Variants in TINAG observed in about 807,000 individuals in gnomAD.
TINAG encodes the protein tubulointerstitial nephritis antigen.
Under a neutral mutation model 72.7 loss-of-function variants are expected in TINAG, and 83 were observed. The ratio of observed to expected loss-of-function variants is 1.14; its 90% CI spans 0.96 to 1.37. The LOEUF is 1.37. Ranked by LOEUF, TINAG falls within the 40% of genes most tolerant of loss-of-function variation. The pLI, the probability that TINAG is intolerant of heterozygous loss-of-function variation, is 0.00. For missense variants in TINAG, 685 were observed against 576.6 expected (o/e 1.19, Z -1.93); for synonymous variants, 234 against 189.9 (o/e 1.23, Z -1.91).
chr6:54,356,939 T>G (rs1763061846), intron 9 of TINAG, among the ~76,000 whole-genome samples: 1 of 151,288 alleles, frequency 6.6e-6, no homozygotes, highest in Non-Finnish European at 1.5e-5. Flanking sequence ...ACCTCAGCAC[T>G]TTTTTGGACT....
At chr6:54,336,494 TTG>T (rs1346046064) in intron 4 of TINAG, among the ~76,000 whole-genome samples, 1 of 152,166 alleles carries the variant, frequency 6.6e-6, no homozygotes, top group Non-Finnish European at 1.5e-5. Context: ...TTGTACCTGA[TTG>T]TTCTTCCAGA....
intron 9 of TINAG, among the ~76,000 whole-genome samples, chr6:54,360,212 T>C (rs983402975): frequency 6.7e-6 from 1 of 150,150 alleles, no homozygotes; most frequent in Non-Finnish European, 1.5e-5. Flanking sequence ...AACACATATA[T>C]TTGCTCCTAG....
intron 9 of TINAG, among the ~76,000 whole-genome samples, chr6:54,371,986 T>TTTTTTTTTG (rs1763627888): frequency 2.7e-5 from 3 of 111,268 alleles, no homozygotes; most frequent in African/African-American, 1.4e-4. Context: ...GTCATGTTTT[T>TTTTTTTTTG]TTTTTTTTTT....
At chr6:54,381,548 G>A (rs1022243668) in intron 10 of TINAG, among the ~76,000 whole-genome samples, 2 of 151,880 alleles carry the variant, frequency 1.3e-5, no homozygotes, top group African/African-American at 2.4e-5. Context: ...TTATGTGTTC[G>A]TACCTTATAT....
intron 9 of TINAG, among the ~76,000 whole-genome samples, chr6:54,358,614 TG>T (rs1013834226): frequency 6.6e-6 from 1 of 151,636 alleles, no homozygotes; most frequent in Non-Finnish European, 1.5e-5. Context: ...AGTTTGTAAA[TG>T]TTGAACCTGT....
chr6:54,333,580 A>G (rs1334099738), intron 4 of TINAG, among the ~76,000 whole-genome samples: 37 of 151,890 alleles, frequency 2.4e-4, no homozygotes, highest in Admixed American at 2.4e-3. Flanking sequence ...ACAAACCTGC[A>G]CGTTCTACAC....
At chr6:54,321,531 C>A in intron 3 of TINAG, 145 bp downstream of exon 3, 1 of 621,330 alleles carries the variant, frequency 1.6e-6, no homozygotes, top group South Asian at 2.0e-5. Context: ...GCATGTAAAC[C>A]TGGAATGCAA....
At position 54,348,398 on chromosome 6, in the gene TINAG, A is replaced by C. The variant is rs9474816; in HGVS notation, c.899+881A>C. Among the ~76,000 whole-genome samples, 1,417 of 152,216 alleles carry C rather than the reference A, an allele frequency of 9.3e-3. 20 individuals carry two copies. The highest frequency in any genetic ancestry group is 0.032 in the African/African-American group (1,349 of 41,544). On this transcript the variant is annotated intron_variant, in intron 6 of 10. Coordinates refer to ENST00000259782, the MANE Select transcript of TINAG (RefSeq NM_014464.4). Reference sequence around the variant, plus strand: ...CAGCCCTTTAAGAACTTAAAAATGTAAATTATTATTGAGACCTGACTAAAT... The same window carrying C: ...CAGCCCTTTAAGAACTTAAAAATGTCAATTATTATTGAGACCTGACTAAAT...
intron 10 of TINAG, among the ~76,000 whole-genome samples, chr6:54,386,238 T>TA (rs1764097294): frequency 1.3e-5 from 2 of 152,146 alleles, no homozygotes; most frequent in African/African-American, 4.8e-5. Context: ...ATTCAGCACT[T>TA]ACTGTTCTAC....
chr6:54,310,976 T>A (rs937024037), intron 1 of TINAG, among the ~76,000 whole-genome samples: 4 of 151,414 alleles, frequency 2.6e-5, no homozygotes, highest in Non-Finnish European at 5.9e-5. Flanking sequence ...TTTCTCTCCC[T>A]CTCCTTCTCC....
intron 9 of TINAG, among the ~76,000 whole-genome samples, 177 bp from the exon 10 acceptor site, chr6:54,380,349 A>G (rs1306617018): frequency 6.6e-6 from 1 of 152,146 alleles, no homozygotes; most frequent in Non-Finnish European, 1.5e-5. Context: ...ATGTTATGGT[A>G]AAGAAGAAAA....
Position 54,308,787 on chromosome 6 carries a change from G to T in TINAG, c.237G>T (p.Ala79=). 6.2e-7 allele frequency: 1 copy of T among 1,613,836 alleles called. No homozygotes were observed. Among genetic ancestry groups the T allele is most frequent in the Non-Finnish European group, 8.5e-7 (1 of 1,179,874 alleles). Residue 79 remains alanine, a synonymous_variant, in exon 1 of 11, where the codon GCG becomes GCT. Transcript: ENST00000259782. The stretch of plus-strand genomic sequence containing the variant: ...TCACTGAGTTCTATGCGGCGAATGC[G>T]TTGTGCTACTGTGATAAATTCTGTG... ...GCVTEFYAAN[A]LCYCDKFCDR...
At chr6:54,377,995 C>G (rs1309642951) in intron 9 of TINAG, among the ~76,000 whole-genome samples, 1 of 151,968 alleles carries the variant, frequency 6.6e-6, no homozygotes, top group Non-Finnish European at 1.5e-5. Context: ...CCCATTGCAA[C>G]TCTATGAAAT....
intron 9 of TINAG, among the ~76,000 whole-genome samples, chr6:54,378,678 T>TA (rs1385507843): frequency 6.6e-6 from 1 of 152,150 alleles, no homozygotes; most frequent in Non-Finnish European, 1.5e-5. Flanking sequence ...ACTAAAATAA[T>TA]AAAAGGTATA....
intron 4 of TINAG, among the ~76,000 whole-genome samples, chr6:54,336,211 C>T (rs1032272610): frequency 2.0e-5 from 3 of 151,992 alleles, no homozygotes; most frequent in African/African-American, 7.2e-5. Context: ...ATGAGAAATG[C>T]TTAGCACAGT....
intron 7 of TINAG, among the ~76,000 whole-genome samples, chr6:54,350,585 C>T (rs1423161961): frequency 6.7e-6 from 1 of 149,904 alleles, no homozygotes; most frequent in Non-Finnish European, 1.5e-5. Context: ...GTACACCATG[C>T]TCTGTTATAC....
At chr6:54,351,218 A>G in intron 7 of TINAG, 134 bp from the exon 8 acceptor site, 3 of 674,812 alleles carry the variant, frequency 4.4e-6, no homozygotes, top group Non-Finnish European at 5.0e-6. Flanking sequence ...AATTTCATTA[A>G]TGTAGCATAA....
chr6:54,332,837 A>G (rs2150946507), intron 4 of TINAG, among the ~76,000 whole-genome samples: 1 of 152,358 alleles, frequency 6.6e-6, no homozygotes, highest in South Asian at 2.1e-4. Flanking sequence ...AAAAGAAGAC[A>G]TTTATGCAGC....
chr6:54,321,840 G>C (rs1406596182), intron 3 of TINAG, among the ~76,000 whole-genome samples: 2 of 152,162 alleles, frequency 1.3e-5, no homozygotes, highest in African/African-American at 4.8e-5. Flanking sequence ...GAAATGATGG[G>C]TATCTAACCA....
Sources: gnomAD v4.1 joint callset for allele counts (sites outside exome capture counted in the v4.1 genomes callset) on GRCh38, gnomAD v4.1.1 for gene constraint, MANE v1.5 for transcripts, NCBI Gene and HGNC (gene_info 2026-07-23, HGNC 2026-07-21) for gene names.